Variants in TTBK2 observed in about 807,000 individuals in gnomAD.
TTBK2 encodes tau tubulin kinase 2.
In TTBK2, 28 loss-of-function variants were observed where a neutral mutation model predicts 110.8. The observed-to-expected ratio is 0.25, with a 90% confidence interval of 0.19 to 0.35. TTBK2 has a LOEUF of 0.35. Ranked by LOEUF, TTBK2 falls within the 10% of genes least tolerant of loss-of-function variation. TTBK2 has a pLI of 1.00. For missense variants in TTBK2, 1,369 were observed against 1,500.3 expected (o/e 0.91, Z 1.45); for synonymous variants, 532 against 527.3 (o/e 1.01, Z -0.12).
intron 1 of TTBK2, among the ~76,000 whole-genome samples, chr15:42,913,617 G>A (rs948358148): frequency 4.6e-5 from 7 of 151,472 alleles, no homozygotes; most frequent in African/African-American, 7.3e-5. Flanking sequence ...CAGCCTGGGC[G>A]ACAGAGCGAG....
intron 13 of TTBK2, among the ~76,000 whole-genome samples, chr15:42,773,699 G>C (rs901334714): frequency 4.6e-5 from 7 of 152,142 alleles, no homozygotes; most frequent in African/African-American, 7.2e-5. Flanking sequence ...AAATATGCTA[G>C]AGCAAAAGTT....
At chr15:42,816,428 C>T (rs2140945649) in intron 7 of TTBK2, among the ~76,000 whole-genome samples, 1 of 151,968 alleles carries the variant, frequency 6.6e-6, no homozygotes, top group African/African-American at 2.4e-5. Context: ...ACACAGATTT[C>T]CCAAAGACAT....
At position 42,752,257 on chromosome 15, in the gene TTBK2, T is replaced by G; in HGVS notation, c.2989A>C (p.Ser997Arg). Residue 997 changes from serine (S) to arginine (R), a missense_variant, in exon 14 of 15, where the codon AGT becomes CGT. Around this residue, in one of 4 missense-constraint regions of TTBK2, gnomAD observed 1,097 missense variants for 1,114.7 expected, o/e 0.98. Transcript: ENST00000267890. ...TCCTCTAGCAATTTATCAGAGGCAC[T>G]TGAGAGGTCGCCAAGGAAGGACTTG... The part of the protein sequence containing the change: ...QFKSFLGDLS[S>R]ASDKLLEEKL... The G allele has an allele frequency of 6.2e-7, 1 of 1,614,172 alleles. No homozygotes were observed. The highest frequency in any genetic ancestry group is 8.5e-7 in the Non-Finnish European group (1 of 1,180,022).
At chr15:42,878,397 T>A in intron 2 of TTBK2, 152 bp downstream of exon 2, 1 of 1,458,042 alleles carries the variant, frequency 6.9e-7, no homozygotes, top group Non-Finnish European at 9.2e-7. Flanking sequence ...AAAATAACTG[T>A]AAATAACTGC....
intron 3 of TTBK2, chr15:42,871,469 G>A: frequency 1.0e-6 from 1 of 985,342 alleles, no homozygotes. Context: ...TTGGAGCCAA[G>A]TAGGAGAAAG....
chr15:42,793,563 A>C lies in TTBK2; in HGVS notation c.980+1081T>G, dbSNP rs533452923. 1.9e-3 allele frequency among the ~76,000 whole-genome samples: 283 copies of C among 152,168 alleles called. 1 individual carries two copies. Among genetic ancestry groups the C allele is most frequent in the Middle Eastern group, 6.8e-3 (2 of 294 alleles). ...CCAGACTCCATCTCTTAAAAAAAAA[A>C]ATCAGGCCGGCGCAGTGGCTCACGC... On this transcript the variant is annotated intron_variant, in intron 10 of 14. Coordinates refer to ENST00000267890, the MANE Select transcript of TTBK2 (RefSeq NM_173500.4).
Position 42,872,597 on chromosome 15 carries a change from T to A in TTBK2, c.217+14A>T. The A allele has an allele frequency of 1.2e-6, 2 of 1,613,870 alleles. No homozygotes were observed. The highest frequency in any genetic ancestry group is 2.7e-5 in the African/African-American group (2 of 75,066). ...CATACAAATCATAAATTGTATATTCTACAAAGGGCTTACCTTGCAGCTTTT... is the reference window on the plus strand; with the variant it reads ...CATACAAATCATAAATTGTATATTCAACAAAGGGCTTACCTTGCAGCTTTT... On this transcript the variant is annotated intron_variant, in intron 3 of 14. Transcript: ENST00000267890.
At chr15:42,859,950 A>G (rs767083101) in intron 3 of TTBK2, among the ~76,000 whole-genome samples, 12 of 152,132 alleles carry the variant, frequency 7.9e-5, no homozygotes, top group Non-Finnish European at 8.8e-5. Flanking sequence ...AATGCCTTTT[A>G]TAGGCTTATT....
Position 42,775,474 on chromosome 15 carries a change from C to A in TTBK2, c.1659G>T (p.Val553=). The change falls in exon 13 of 15, where the codon GTG becomes GTT. Residue 553 remains valine (V), a synonymous_variant. Coordinates refer to ENST00000267890, the MANE Select transcript of TTBK2 (RefSeq NM_173500.4). ...GAAGGTCCTGCTCCTTGTCCACAAT[C>A]ACCCATTCTTTGGAATCAATTTCTT... ...CKQEIDSKEW[V]IVDKEQDLQD... 1.2e-6 allele frequency: 2 copies of A among 1,614,228 alleles called. No homozygotes were observed. The highest frequency in any genetic ancestry group is 2.2e-5 in the South Asian group (2 of 91,082).
chr15:42,823,027 C>G (rs1181749510), intron 6 of TTBK2, among the ~76,000 whole-genome samples: 1 of 152,200 alleles, frequency 6.6e-6, no homozygotes, highest in Non-Finnish European at 1.5e-5. Flanking sequence ...CTATGTAATA[C>G]AACTACTCCC....
At chr15:42,830,196 T>C in intron 4 of TTBK2, 118 bp from the exon 5 acceptor site, 1 of 1,370,114 alleles carries the variant, frequency 7.3e-7, no homozygotes, top group Non-Finnish European at 1.0e-6. Context: ...AAGAATTTTT[T>C]TTTTTTTTGA....
chr15:42,761,997 G>A (rs2062035239), intron 13 of TTBK2, among the ~76,000 whole-genome samples: 1 of 152,158 alleles, frequency 6.6e-6, no homozygotes, highest in African/African-American at 2.4e-5. Flanking sequence ...GAGATCTGAT[G>A]GTTATTATAA....
chr15:42,798,231 C>T, intron 9 of TTBK2: 1 of 456,106 alleles, frequency 2.2e-6, no homozygotes, highest in Non-Finnish European at 4.4e-6. Context: ...AAAGCACTTT[C>T]CCATCAGAAC....
chr15:42,787,947 A>T (rs1890480318), intron 10 of TTBK2, among the ~76,000 whole-genome samples: 1 of 152,176 alleles, frequency 6.6e-6, no homozygotes, highest in Admixed American at 6.5e-5. Flanking sequence ...TGCCTAGGCT[A>T]TATGGTATAA....
intron 9 of TTBK2, among the ~76,000 whole-genome samples, chr15:42,809,873 T>C (rs1323939274): frequency 6.6e-6 from 1 of 152,268 alleles, no homozygotes; most frequent in African/African-American, 2.4e-5. Flanking sequence ...GTCTTTTGAC[T>C]GCACAACACT....
chr15:42,848,833 C>T (rs1893577181), intron 3 of TTBK2, among the ~76,000 whole-genome samples: 1 of 152,188 alleles, frequency 6.6e-6, no homozygotes, highest in Non-Finnish European at 1.5e-5. Flanking sequence ...CTATGTACTT[C>T]TTTTGGAGTT....
intron 1 of TTBK2, among the ~76,000 whole-genome samples, chr15:42,898,626 T>C (rs1225372762): frequency 6.6e-6 from 1 of 152,132 alleles, no homozygotes; most frequent in African/African-American, 2.4e-5. Flanking sequence ...AAACTCTGAC[T>C]ACTGGCCTAA....
At chr15:42,831,806 C>T (rs1302342665) in intron 4 of TTBK2, among the ~76,000 whole-genome samples, 1 of 152,194 alleles carries the variant, frequency 6.6e-6, no homozygotes, top group South Asian at 2.1e-4. Flanking sequence ...CTCCCAAAGA[C>T]TGGCTCTCCT....
At chr15:42,815,958 A>AAAAAATATATATATATATATATATATAT (rs71108183) in intron 7 of TTBK2, among the ~76,000 whole-genome samples, 5 of 91,694 alleles carry the variant, frequency 5.5e-5, no homozygotes, top group South Asian at 3.4e-4. Flanking sequence ...TTAAAAAAAA[A>AAAAAATATATATATATATATATATATAT]ATATATATAT....
Sources: gnomAD v4.1 joint callset for allele counts (sites outside exome capture counted in the v4.1 genomes callset) on GRCh38, gnomAD v4.1.1 for gene constraint, gnomAD v4.1.1 regional missense constraint, MANE v1.5 for transcripts, NCBI Gene and HGNC (gene_info 2026-07-23, HGNC 2026-07-21) for gene names.